Variants in ARID4B observed in about 807,000 individuals in gnomAD.
ARID4B encodes the protein AT-rich interaction domain 4B, also known as AT-rich interactive domain-containing protein 4B.
In ARID4B, 26 loss-of-function variants were observed where a neutral mutation model predicts 147.5. That is an observed-to-expected ratio of 0.18 (90% CI 0.13 to 0.24). The LOEUF is 0.24. ARID4B is among the 10% of genes least tolerant of loss of function. The pLI is 1.00. For missense variants in ARID4B, 1,179 were observed against 1,511.5 expected, an observed-to-expected ratio of 0.78 and a Z score of 3.65; for synonymous variants, 512 against 507.9, an observed-to-expected ratio of 1.01 and a Z score of -0.11.
chr1:235,319,808 A>G lies in ARID4B; in HGVS notation c.6+7106T>C, dbSNP rs566731908. Among the ~76,000 whole-genome samples the G allele has an allele frequency of 3.9e-5, 6 of 152,174 alleles. No homozygotes were observed. In the South Asian group the frequency reaches 8.3e-4, roughly 21 times the overall value. On this transcript the variant is annotated intron_variant, in intron 2 of 23. Coordinates refer to ENST00000264183, the MANE Select transcript of ARID4B (RefSeq NM_016374.6). ...GGAGTTCAGAACCATCCTGGCCAAC[A>G]TGGTGAAACCCCATTGCTACTAAAA...
At chr1:235,229,116 T>C in intron 11 of ARID4B, 115 bp downstream of exon 11, 1 of 1,201,782 alleles carries the variant, frequency 8.3e-7, no homozygotes, top group Non-Finnish European at 1.2e-6. Flanking sequence ...GATTATGAAA[T>C]ATTTCTCATA....
intron 2 of ARID4B, among the ~76,000 whole-genome samples, chr1:235,270,345 T>C (rs1057427704): frequency 2.6e-5 from 4 of 152,190 alleles, no homozygotes; most frequent in African/African-American, 9.7e-5. Context: ...CGAAAATCTT[T>C]GGATGTTATC....
intron 17 of ARID4B, among the ~76,000 whole-genome samples, chr1:235,197,097 A>T (rs1665559341): frequency 6.6e-6 from 1 of 152,078 alleles, no homozygotes; most frequent in African/African-American, 2.4e-5. Context: ...ATTACTATTA[A>T]CTGCAATAAA....
intron 4 of ARID4B, 130 bp from the exon 5 acceptor site, chr1:235,255,880 TAC>T: frequency 3.3e-6 from 2 of 607,544 alleles, no homozygotes; most frequent in Non-Finnish European, 5.6e-6. Flanking sequence ...CATTTAAAAG[TAC>T]CAGCAGTTGG....
intron 8 of ARID4B, among the ~76,000 whole-genome samples, chr1:235,236,840 A>ATATATATATATATATATATGTG (rs1668614685): frequency 1.3e-4 from 4 of 29,650 alleles, no homozygotes; most frequent in Non-Finnish European, 2.7e-4. Flanking sequence ...AAAAATATAT[A>ATATATATATATATATATATGTG]TATATATATA....
chr1:235,255,623 T>C, intron 5 of ARID4B, 37 bp downstream of exon 5: 1 of 1,409,862 alleles, frequency 7.1e-7, no homozygotes, highest in South Asian at 1.3e-5. Flanking sequence ...TTTGTGTAAC[T>C]AAAAACACAT....
chr1:235,319,748 T>C (rs1224302579), intron 2 of ARID4B, among the ~76,000 whole-genome samples: 1 of 151,938 alleles, frequency 6.6e-6, no homozygotes, highest in Non-Finnish European at 1.5e-5. Context: ...GGCTCACACT[T>C]TGGGAGGCCA....
In ARID4B at chr1:235,181,905, T is replaced by C. The variant is rs1664336504; in HGVS notation, c.3014A>G (p.Asn1005Ser). 6.2e-6 allele frequency: 10 copies of C among 1,614,204 alleles called. No individual in the cohort carries two copies. Among genetic ancestry groups the C allele is most frequent in the Non-Finnish European group, 8.5e-6 (10 of 1,180,036 alleles). ...ACTTGGAAATTCTGCTTTTCTGTCA[T>C]TGACCTCTACTGTTTTTTCTTCAAT... The part of the protein sequence containing the change: ...KPIEEKTVEV[N>S]DRKAEFPSSG... The change falls in exon 20 of 24, where the codon AAT (asparagine) becomes AGT (serine). Residue 1005 changes from asparagine (N) to serine (S), a missense_variant. This residue lies in a region of ARID4B where 357 missense variants were observed against 427.3 expected (regional missense o/e 0.84). Transcript: ENST00000264183.
intron 13 of ARID4B, 46 bp from the exon 14 acceptor site, chr1:235,221,708 A>T: frequency 2.9e-6 from 3 of 1,047,490 alleles, no homozygotes; most frequent in South Asian, 1.3e-5. Context: ...AAAGGTGTTA[A>T]TATAATAACA....
rs936537969 is a variant in ARID4B at position 235,202,604 on chromosome 1, C to T, written c.1842-6489G>A. Reference sequence around the variant, plus strand: ...TTGCTCTGTTGCCCTGGCTGGAGTGCAATGGTGCGATCTCAGCTCACTGCA... The same window carrying T: ...TTGCTCTGTTGCCCTGGCTGGAGTGTAATGGTGCGATCTCAGCTCACTGCA... On this transcript the variant is annotated intron_variant, in intron 17 of 23. Transcript: ENST00000264183. Among the ~76,000 whole-genome samples, 12 of 150,946 alleles carry T rather than the reference C, an allele frequency of 7.9e-5. 1 individual carries two copies. In the Admixed American group the frequency reaches 8.0e-4, roughly 10 times the overall value.
intron 19 of ARID4B, among the ~76,000 whole-genome samples, chr1:235,189,399 C>CAAAA (rs11299121): frequency 5.9e-4 from 35 of 58,902 alleles, no homozygotes; most frequent in South Asian, 8.7e-4. Context: ...GACTCAGTCT[C>CAAAA]AAAAAAAAAA....
chr1:235,240,768 T>C (rs530978408), intron 7 of ARID4B, among the ~76,000 whole-genome samples: 51 of 152,236 alleles, frequency 3.4e-4, no homozygotes, highest in African/African-American at 1.2e-3. Flanking sequence ...ATCCCAGTAT[T>C]ACACTAAAAT....
intron 8 of ARID4B, among the ~76,000 whole-genome samples, chr1:235,235,660 G>T (rs916055431): frequency 1.3e-5 from 2 of 152,116 alleles, no homozygotes; most frequent in Non-Finnish European, 1.5e-5. Context: ...AAAATACAGC[G>T]ATACATTCTG....
Position 235,194,133 on chromosome 1 carries a change from G to C in ARID4B, c.2005C>G (p.Pro669Ala). ...TCAGGAGATGGATTTGTCTGAAATG[G>C]TGGTTTGGACAAGCGCCGAAGTTTA... ...NCKLRRLSKP[P>A]FQTNPSPEMV... Residue 669 changes from proline (P) to alanine (A), a missense_variant, in exon 19 of 24, where the codon CCA (proline) becomes GCA (alanine). Around this residue, in one of 10 missense-constraint regions of ARID4B, gnomAD observed 321 missense variants for 342.4 expected, o/e 0.94. Coordinates refer to ENST00000264183, the MANE Select transcript of ARID4B (RefSeq NM_016374.6). 2 of 1,613,452 alleles carry C rather than the reference G, an allele frequency of 1.2e-6. No individual in the cohort carries two copies. Among genetic ancestry groups the C allele is most frequent in the South Asian group, 2.2e-5 (2 of 91,066 alleles).
chr1:235,193,315 A>C (rs1459008977), intron 19 of ARID4B, among the ~76,000 whole-genome samples: 1 of 152,062 alleles, frequency 6.6e-6, no homozygotes, highest in Non-Finnish European at 1.5e-5. Flanking sequence ...GAGGATCTTT[A>C]GAGTCTGGGA....
intron 2 of ARID4B, among the ~76,000 whole-genome samples, chr1:235,323,098 T>C (rs1572243853): frequency 6.6e-6 from 1 of 151,180 alleles, no homozygotes; most frequent in African/African-American, 2.4e-5. Flanking sequence ...TGGAGTGCAG[T>C]GGTGCCATCT....
At chr1:235,232,982 C>T (rs1213127307) in intron 9 of ARID4B, among the ~76,000 whole-genome samples, 1 of 152,034 alleles carries the variant, frequency 6.6e-6, no homozygotes, top group African/African-American at 2.4e-5. Flanking sequence ...GAATTACAGG[C>T]GCCCACCACC....
chr1:235,179,884 C>G (rs1462680950), intron 20 of ARID4B, among the ~76,000 whole-genome samples: 1 of 151,788 alleles, frequency 6.6e-6, no homozygotes, highest in African/African-American at 2.4e-5. Context: ...TCCTGGCTAA[C>G]ATGGCGAAAT....
intron 2 of ARID4B, among the ~76,000 whole-genome samples, chr1:235,318,559 A>G (rs1272182711): frequency 6.6e-5 from 10 of 152,172 alleles, no homozygotes; most frequent in Admixed American, 6.5e-4. Context: ...CGTTAACAGA[A>G]AATGCCCAGA....
Sources: gnomAD v4.1 joint callset for allele counts (sites outside exome capture counted in the v4.1 genomes callset) on GRCh38, gnomAD v4.1.1 for gene constraint, gnomAD v4.1.1 regional missense constraint, MANE v1.5 for transcripts, NCBI Gene and HGNC (gene_info 2026-07-23, HGNC 2026-07-21) for gene names.